The following OPCML variants were observed in gnomAD, a reference collection of about 807,000 sequenced individuals.
OPCML encodes opioid binding protein/cell adhesion molecule like, also known as opioid-binding protein/cell adhesion molecule.
OPCML carries 13 observed loss-of-function variants against 37.8 expected under a neutral mutation model. The ratio of observed to expected loss-of-function variants is 0.34; its 90% confidence interval spans 0.22 to 0.55. The LOEUF is 0.55. Ranked by LOEUF, OPCML falls within the 20% of genes least tolerant of loss-of-function variation. The probability of loss-of-function intolerance (pLI) is 0.91; values close to 1 mark genes in which losing one functional copy is unlikely to be tolerated. For missense variants in OPCML, 341 were observed against 435.6 expected (o/e 0.78, Z 1.93); for synonymous variants, 176 against 168.8 (o/e 1.04, Z -0.33).
chr11:132,528,030 C>A (rs1473481747), intron 4 of OPCML, among the ~76,000 whole-genome samples: 2 of 152,156 alleles, frequency 1.3e-5, no homozygotes, highest in South Asian at 4.1e-4. Flanking sequence ...TTGAAAGGAA[C>A]CAACCCTGCT....
chr11:132,763,072 T>A (rs1158055907), intron 2 of OPCML, among the ~76,000 whole-genome samples: 1 of 152,068 alleles, frequency 6.6e-6, no homozygotes, highest in Non-Finnish European at 1.5e-5. Context: ...GGGAGGGAGT[T>A]CCCTGAACCC....
chr11:132,710,914 G>A (rs931916957), intron 2 of OPCML, among the ~76,000 whole-genome samples: 10 of 152,040 alleles, frequency 6.6e-5, no homozygotes, highest in African/African-American at 1.7e-4. Flanking sequence ...GGAGAGATGA[G>A]AGAGGGTAAG....
rs565235138 is a variant in OPCML, at chr11:132,539,113, C to A, written c.380-9927G>T. 3.3e-5 allele frequency among the ~76,000 whole-genome samples: 5 copies of A among 152,308 alleles called. No homozygotes were observed. The East Asian group carries it at 9.6e-4, about 29-fold the overall frequency. On this transcript the variant is annotated intron_variant, in intron 3 of 7. Transcript: ENST00000524381. ...GGTAGAATAGCAAATAGACAAGGTC[C>A]TTTTCTCATGTAAATTATGGAGCTT... is the stretch of plus-strand genomic sequence containing the variant.
At chr11:132,461,642 T>A (rs547777097) in intron 4 of OPCML, among the ~76,000 whole-genome samples, 3 of 152,210 alleles carry the variant, frequency 2.0e-5, no homozygotes, top group Admixed American at 1.3e-4. Context: ...TATAGCTGTG[T>A]TTTAGTCCAT....
At chr11:133,406,396 G>C (rs541578289) in intron 1 of OPCML, among the ~76,000 whole-genome samples, 19 of 152,272 alleles carry the variant, frequency 1.2e-4, no homozygotes, top group African/African-American at 4.3e-4. Flanking sequence ...ACCAGGCAGA[G>C]ACCAGAAAAG....
At chr11:133,342,772 G>A (rs1482271232) in intron 1 of OPCML, among the ~76,000 whole-genome samples, 2 of 152,134 alleles carry the variant, frequency 1.3e-5, no homozygotes, top group East Asian at 3.9e-4. Flanking sequence ...TTCCGAGAAG[G>A]CCGTTTGGGA....
In OPCML at chr11:133,066,865, G is replaced by T. The variant is rs117250089; in HGVS notation, c.62-123855C>A. On this transcript the variant is annotated intron_variant, in intron 1 of 7. Transcript: ENST00000524381. ...CAGATTTTTTTGTATTTTTAGTGGA[G>T]ATAGGGTTTCACAATGTTGGCCATG... The T allele has an allele frequency of 3.8e-3, 578 of 152,226 alleles. 2 individuals are homozygous for T. The highest frequency in any genetic ancestry group is 5.9e-3 in the Non-Finnish European group (400 of 68,038). The allele number at this position is 152,226 out of a possible 1,614,324, so 9.4% of individuals were successfully genotyped here. A position where few individuals can be genotyped will look rare whatever the true frequency, so the allele number is the denominator to read the frequency against.
At chr11:132,966,132 T>C (rs1946208781) in intron 1 of OPCML, among the ~76,000 whole-genome samples, 1 of 152,066 alleles carries the variant, frequency 6.6e-6, no homozygotes, top group Admixed American at 6.5e-5. Context: ...AGATTATTGA[T>C]TTGAAAATTT....
rs183488879 is a variant in OPCML, at chr11:133,418,126, T to A, written c.61+114138A>T. The A allele has an allele frequency of 1.6e-3, 1,594 of 985,340 alleles. 6 individuals are homozygous for A. The highest frequency in any genetic ancestry group is 1.8e-3 in the Non-Finnish European group (1,494 of 829,914). 61.0% of individuals were successfully genotyped at this position (985,340 alleles called of 1,614,324 possible). A position where few individuals can be genotyped will look rare whatever the true frequency, so the allele number is the denominator to read the frequency against. On this transcript the variant is annotated intron_variant, in intron 1 of 7. Transcript: ENST00000524381. ...GGACTGGTAAGAATATGGCGTGAAGTCGAAGACAGCAGGAAACAATCAAGA... is the reference window on the plus strand; with the variant it reads ...GGACTGGTAAGAATATGGCGTGAAGACGAAGACAGCAGGAAACAATCAAGA...
Position 132,745,563 on chromosome 11 carries a change from C to CA in OPCML, c.147-88245dup, listed in dbSNP as rs10562857. 3.4e-3 allele frequency among the ~76,000 whole-genome samples: 349 copies of CA among 102,878 alleles called. 3 individuals carry two copies. In the East Asian group the frequency reaches 0.037, roughly 11 times the overall value. The allele number at this position is 102,878 out of a possible 152,430, so 67.5% of individuals were successfully genotyped here. Reference sequence around the variant, plus strand: ...TGCTGCAAAAGGCATTGCTGTCTTGCAAAAAAAAAAAAAAAAAAAAGAAAG... The same window carrying CA: ...TGCTGCAAAAGGCATTGCTGTCTTGCAAAAAAAAAAAAAAAAAAAAAGAAAG... On this transcript the variant is annotated intron_variant, in intron 2 of 7. Coordinates refer to ENST00000524381, the MANE Select transcript of OPCML (RefSeq NM_001012393.5).
chr11:132,432,166 C>T (rs1258272666), intron 7 of OPCML, among the ~76,000 whole-genome samples: 3 of 152,186 alleles, frequency 2.0e-5, no homozygotes, highest in African/African-American at 7.2e-5. Flanking sequence ...TCTGCCTAAC[C>T]TCTCAATTTC....
intron 1 of OPCML, among the ~76,000 whole-genome samples, chr11:132,982,485 T>C (rs1467490186): frequency 7.8e-6 from 1 of 128,698 alleles, no homozygotes; most frequent in Non-Finnish European, 1.7e-5. Context: ...GACAAGAAAG[T>C]AAAAAAGGAG....
intron 2 of OPCML, among the ~76,000 whole-genome samples, chr11:132,804,244 C>T (rs185026751): frequency 6.6e-6 from 1 of 152,250 alleles, no homozygotes; most frequent in East Asian, 1.9e-4. Flanking sequence ...TACCTGGAGA[C>T]AGTTTCCCAA....
chr11:133,051,344 T>G (rs575549011), intron 1 of OPCML, among the ~76,000 whole-genome samples: 1 of 152,308 alleles, frequency 6.6e-6, no homozygotes, highest in Non-Finnish European at 1.5e-5. Context: ...GATCTGCATC[T>G]TGCCTGAAGT....
intron 1 of OPCML, among the ~76,000 whole-genome samples, chr11:133,014,246 C>G (rs148055878): frequency 6.6e-6 from 1 of 152,130 alleles, no homozygotes; most frequent in African/African-American, 2.4e-5. Context: ...TCAAAAGCCA[C>G]CTCTTGGAGA....
rs528847438 is a variant in OPCML, at chr11:133,006,606, T to C, written c.62-63596A>G. On this transcript the variant is annotated intron_variant, in intron 1 of 7. Coordinates refer to ENST00000524381, the MANE Select transcript of OPCML (RefSeq NM_001012393.5). ...AAGTTGAAAGTCGCTGGCCGAACCA[T>C]GCCCCACTGGCCAGAACTATGTGAA... is the stretch of plus-strand genomic sequence containing the variant. 5.1e-6 allele frequency: 5 copies of C among 985,438 alleles called. No homozygotes were observed. The South Asian group carries it at 1.4e-4, about 28-fold the overall frequency. The allele number at this position is 985,438 out of a possible 1,614,324, so 61.0% of individuals were successfully genotyped here. A position where few individuals can be genotyped will look rare whatever the true frequency, so the allele number is the denominator to read the frequency against.
chr11:132,638,163 CTATAT>C (rs1289724522), intron 3 of OPCML, among the ~76,000 whole-genome samples: 1 of 128,192 alleles, frequency 7.8e-6, no homozygotes, highest in African/African-American at 2.7e-5. Context: ...TATATACAGA[CTATAT>C]ATATATATAT....
At chr11:133,359,934 G>A (rs1270166759) in intron 1 of OPCML, 2 of 152,142 alleles carry the variant, frequency 1.3e-5, no homozygotes, top group African/African-American at 4.8e-5. Context: ...TTCTGTATCT[G>A]TTCCACAAAG....
intron 1 of OPCML, among the ~76,000 whole-genome samples, chr11:133,249,211 C>T (rs184925426): frequency 3.9e-5 from 6 of 152,212 alleles, no homozygotes; most frequent in African/African-American, 1.2e-4. Context: ...ACAGGGCCAG[C>T]ATTTGCTTCT....
Sources: allele counts gnomAD v4.1 joint callset (sites outside exome capture counted in the v4.1 genomes callset), GRCh38; gene constraint gnomAD v4.1.1; transcripts MANE v1.5; gene names NCBI Gene and HGNC (gene_info 2026-07-23, HGNC 2026-07-21).